Variants in SORCS1 observed in about 807,000 individuals in gnomAD.
SORCS1 encodes the protein sortilin related VPS10 domain containing receptor 1, also known as VPS10 domain-containing receptor SorCS1.
A neutral mutation model predicts 146.1 loss-of-function variants in SORCS1; 60 were observed. That is an observed-to-expected ratio of 0.41 (90% CI 0.33 to 0.51). The LOEUF (loss-of-function observed/expected upper bound fraction) is 0.51, where lower values mean the gene tolerates loss of function less well. Among genes scored for constraint, SORCS1 ranks in the 20% least tolerant of loss-of-function variants. The probability of loss-of-function intolerance (pLI) is 0.21; values close to 1 mark genes in which losing one functional copy is unlikely to be tolerated. For missense variants in SORCS1, 1,352 were observed against 1,487.6 expected, an observed-to-expected ratio of 0.91 and a Z score of 1.50; for synonymous variants, 637 against 584.0, an observed-to-expected ratio of 1.09 and a Z score of -1.31.
Position 106,939,205 on chromosome 10 carries a change from T to C in SORCS1, c.626+17308A>G, listed in dbSNP as rs565214150. On this transcript the variant is annotated intron_variant, in intron 2 of 25. Coordinates refer to ENST00000263054, the MANE Select transcript of SORCS1 (RefSeq NM_052918.5). ...TCCAAAGATTTCCGGACATTTCCCTTGCCCCAGCAAAGAGAATGTATTCAT... is the reference window on the plus strand; with the variant it reads ...TCCAAAGATTTCCGGACATTTCCCTCGCCCCAGCAAAGAGAATGTATTCAT... Among the ~76,000 whole-genome samples, 87 of 152,374 alleles carry C rather than the reference T, an allele frequency of 5.7e-4. 1 individual carries two copies. The highest frequency in any genetic ancestry group is 2.1e-3 in the African/African-American group (86 of 41,598).
At chr10:107,141,395 T>C (rs1264313817) in intron 1 of SORCS1, among the ~76,000 whole-genome samples, 2 of 152,134 alleles carry the variant, frequency 1.3e-5, no homozygotes, top group East Asian at 1.9e-4. Flanking sequence ...CCAGAGCCTA[T>C]TGTTAACATT....
intron 2 of SORCS1, among the ~76,000 whole-genome samples, chr10:106,889,799 A>G (rs551414839): frequency 2.2e-4 from 33 of 149,504 alleles, no homozygotes; most frequent in Non-Finnish European, 4.3e-4. Flanking sequence ...GCAGCAGAAT[A>G]GCGTGAACCC....
In SORCS1 at chr10:107,035,701, TA is replaced by T. The variant is rs555925346; in HGVS notation, c.559-79122del. Reference sequence around the variant, plus strand: ...TCAATGGAAAAGCTCGTATCTCACTTAAAAGCTATTTCACATTTGAGGATCA... The same window carrying T: ...TCAATGGAAAAGCTCGTATCTCACTTAAAGCTATTTCACATTTGAGGATCA... On this transcript the variant is annotated intron_variant, in intron 1 of 25. Transcript: ENST00000263054. 1.8e-3 allele frequency among the ~76,000 whole-genome samples: 277 copies of T among 152,270 alleles called. 1 individual carries two copies. The highest frequency in any genetic ancestry group is 5.6e-3 in the African/African-American group (231 of 41,546).
chr10:106,959,468 T>C (rs1402505073), intron 1 of SORCS1, among the ~76,000 whole-genome samples: 2 of 152,208 alleles, frequency 1.3e-5, no homozygotes, highest in African/African-American at 4.8e-5. Flanking sequence ...TGCATCCTTA[T>C]GTTAGATATG....
At chr10:106,731,647 A>G (rs1856607483) in intron 5 of SORCS1, among the ~76,000 whole-genome samples, 1 of 152,206 alleles carries the variant, frequency 6.6e-6, no homozygotes, top group Admixed American at 6.5e-5. Context: ...GGTCCTTATC[A>G]GAGTTTGTTA....
intron 5 of SORCS1, among the ~76,000 whole-genome samples, chr10:106,746,022 G>A (rs550179014): frequency 1.3e-5 from 2 of 152,214 alleles, no homozygotes; most frequent in South Asian, 2.1e-4. Flanking sequence ...TACCTGACTA[G>A]TACTCTTCAA....
At chr10:106,601,043 G>A (rs764321849) in intron 23 of SORCS1, among the ~76,000 whole-genome samples, 8 of 152,108 alleles carry the variant, frequency 5.3e-5, no homozygotes, top group Non-Finnish European at 7.3e-5. Flanking sequence ...TCCTCAGAGG[G>A]GCCACTTTCT....
In SORCS1 at chr10:106,618,249, G is replaced by A. The variant is rs756906121; in HGVS notation, c.2820C>T (p.Ser940=). The A allele has an allele frequency of 6.2e-7, 1 of 1,614,028 alleles. No individual in the cohort carries two copies. Among genetic ancestry groups the A allele is most frequent in the Non-Finnish European group, 8.5e-7 (1 of 1,179,938 alleles). ...CTTCTGAAGTAAATCTGAAGGATATGCTTCCCTCCAAGGTGATCAAAGGCT... is the reference window on the plus strand; with the variant it reads ...CTTCTGAAGTAAATCTGAAGGATATACTTCCCTCCAAGGTGATCAAAGGCT... The part of the protein sequence containing the change: ...NTEPLITLEG[S]ISFRFTSEGM... Residue 940 remains serine (S), a synonymous_variant, in exon 21 of 26, where the codon AGC becomes AGT. Transcript: ENST00000263054.
chr10:106,609,638 C>T (rs1406437529), intron 22 of SORCS1, among the ~76,000 whole-genome samples: 1 of 152,148 alleles, frequency 6.6e-6, no homozygotes, highest in Non-Finnish European at 1.5e-5. Context: ...GTATTAATAC[C>T]ACCACCACCA....
intron 2 of SORCS1, among the ~76,000 whole-genome samples, chr10:106,852,761 A>G (rs1052493498): frequency 1.3e-5 from 2 of 151,596 alleles, no homozygotes; most frequent in African/African-American, 4.9e-5. Flanking sequence ...ATGTGATTTT[A>G]TTTAGCCTGT....
At chr10:106,881,075 T>TCAA (rs1436349861) in intron 2 of SORCS1, among the ~76,000 whole-genome samples, 2 of 44,706 alleles carry the variant, frequency 4.5e-5, no homozygotes, top group African/African-American at 1.2e-4. Flanking sequence ...AGACTCTGTC[T>TCAA]CAAAAAAAAA....
intron 2 of SORCS1, among the ~76,000 whole-genome samples, chr10:106,935,476 C>A (rs1480804602): frequency 1.3e-5 from 2 of 151,892 alleles, no homozygotes; most frequent in Non-Finnish European, 2.9e-5. Context: ...TGCAGTCAAC[C>A]AATAATGAGT....
intron 1 of SORCS1, among the ~76,000 whole-genome samples, chr10:106,983,688 A>C (rs1382205407): frequency 2.6e-5 from 4 of 152,172 alleles, no homozygotes; most frequent in Admixed American, 1.3e-4. Flanking sequence ...AGTAGCCAGG[A>C]ACACTAAGGA....
intron 1 of SORCS1, among the ~76,000 whole-genome samples, chr10:107,159,455 A>T (rs1969541356): frequency 6.6e-6 from 1 of 152,232 alleles, no homozygotes; most frequent in Non-Finnish European, 1.5e-5. Flanking sequence ...CCAGTATTAT[A>T]ACCCACAATT....
intron 5 of SORCS1, among the ~76,000 whole-genome samples, chr10:106,749,245 A>G (rs187470986): frequency 1.2e-3 from 187 of 152,272 alleles, no homozygotes; most frequent in Non-Finnish European, 2.4e-3. Context: ...TTTTAGTTAG[A>G]GGTAGTGAGA....
At chr10:107,070,191 C>T (rs746824520) in intron 1 of SORCS1, among the ~76,000 whole-genome samples, 1 of 152,134 alleles carries the variant, frequency 6.6e-6, no homozygotes, top group African/African-American at 2.4e-5. Flanking sequence ...ATCCCATTAT[C>T]AGTGTATTTG....
chr10:106,869,576 A>T (rs1011900612), intron 2 of SORCS1, among the ~76,000 whole-genome samples: 7 of 152,220 alleles, frequency 4.6e-5, no homozygotes, highest in Non-Finnish European at 4.4e-5. Context: ...ACATAAATAG[A>T]ACTAAAGACA....
intron 3 of SORCS1, among the ~76,000 whole-genome samples, chr10:106,804,124 A>G (rs1308563557): frequency 6.6e-6 from 1 of 152,158 alleles, no homozygotes; most frequent in African/African-American, 2.4e-5. Context: ...AGAGTGAAAA[A>G]GTACTCATAA....
chr10:107,160,819 G>GA (rs1969645423), intron 1 of SORCS1, among the ~76,000 whole-genome samples: 1 of 152,064 alleles, frequency 6.6e-6, no homozygotes, highest in South Asian at 2.1e-4. Context: ...TGGAAATAAG[G>GA]AATAAACACA....
Sources: allele counts gnomAD v4.1 joint callset (sites outside exome capture counted in the v4.1 genomes callset), GRCh38; gene constraint gnomAD v4.1.1; transcripts MANE v1.5; gene names NCBI Gene and HGNC (gene_info 2026-07-23, HGNC 2026-07-21).